MYH15: variants seen among roughly 807,000 people sequenced by gnomAD.
MYH15 encodes the protein myosin heavy chain 15, also known as myosin-15.
In MYH15, 227 loss-of-function variants were observed where a neutral mutation model predicts 240.5. The ratio of observed to expected loss-of-function variants is 0.94; its 90% CI spans 0.85 to 1.05. The LOEUF is 1.05. Ranked by LOEUF, MYH15 falls within the 50% of genes least tolerant of loss-of-function variation. The pLI is 0.00. For synonymous variants in MYH15, 785 were observed against 796.7 expected, an observed-to-expected ratio of 0.99 and a Z score of 0.25; for missense variants, 2,217 against 2,247.5, an observed-to-expected ratio of 0.99 and a Z score of 0.27.
intron 7 of MYH15, among the ~76,000 whole-genome samples, chr3:108,493,538 A>G (rs917368200): frequency 2.6e-5 from 4 of 152,248 alleles, no homozygotes; most frequent in African/African-American, 9.6e-5. Context: ...TTTCCTCAGC[A>G]TATTTGTTTA....
intron 11 of MYH15, among the ~76,000 whole-genome samples, chr3:108,484,705 C>A (rs1383575127): frequency 3.9e-5 from 6 of 152,114 alleles, no homozygotes; most frequent in Non-Finnish European, 8.8e-5. Context: ...GTCTTGAACT[C>A]CTGGCCTCAA....
At chr3:108,439,406 T>C (rs1409494257) in intron 24 of MYH15, among the ~76,000 whole-genome samples, 4 of 152,114 alleles carry the variant, frequency 2.6e-5, no homozygotes, top group Non-Finnish European at 5.9e-5. Flanking sequence ...AGCATATCTG[T>C]GGGGCAAAAT....
Position 108,492,607 on chromosome 3 carries a change from G to A in MYH15, c.776-12C>T, listed in dbSNP as rs1432540946. The A allele has an allele frequency of 1.3e-6, 2 of 1,598,836 alleles. No homozygotes were observed. On this transcript the variant is annotated splice_polypyrimidine_tract_variant and intron_variant, in intron 8 of 40. Coordinates refer to ENST00000693548, the MANE Select transcript of MYH15 (RefSeq NM_014981.3). Reference sequence around the variant, plus strand: ...CTTTTCAAGCAAATCTGGATGATGAGAAATGAATAAAAATTCATACTTAGG... The same window carrying A: ...CTTTTCAAGCAAATCTGGATGATGAAAAATGAATAAAAATTCATACTTAGG...
intron 20 of MYH15, 36 bp from the exon 21 acceptor site, chr3:108,454,178 T>A: frequency 2.5e-6 from 4 of 1,581,374 alleles, no homozygotes; most frequent in Non-Finnish European, 3.5e-6. Context: ...CCACTGATAA[T>A]GGGTATTCAG....
In MYH15 at chr3:108,501,869, A is replaced by G. The variant is rs2083441472; in HGVS notation, c.196-14T>C. 1 of 1,611,636 alleles carries G rather than the reference A, an allele frequency of 6.2e-7. No individual in the cohort carries two copies. Among genetic ancestry groups the G allele is most frequent in the South Asian group, 1.1e-5 (1 of 91,020 alleles). ...TATGCTCAGACTCTGCAGAGAGAAG[A>G]AAAATATATGATATATTCCCCTGTC... On this transcript the variant is annotated splice_polypyrimidine_tract_variant and intron_variant, in intron 2 of 40. Coordinates refer to ENST00000693548, the MANE Select transcript of MYH15 (RefSeq NM_014981.3).
the MYH15 span, among the ~76,000 whole-genome samples, chr3:108,537,762 T>G: frequency 2.6e-5 from 4 of 152,140 alleles, no homozygotes; most frequent in Admixed American, 1.3e-4. Flanking sequence ...AGTTAACCAC[T>G]ATTAATATAG....
At chr3:108,462,150 G>T (rs1028717794) in intron 16 of MYH15, among the ~76,000 whole-genome samples, 1 of 152,148 alleles carries the variant, frequency 6.6e-6, no homozygotes, top group African/African-American at 2.4e-5. Context: ...CTGTCGATCT[G>T]TGACTTTTGC....
intron 26 of MYH15, among the ~76,000 whole-genome samples, chr3:108,430,586 C>T (rs549215732): frequency 2.0e-5 from 3 of 152,146 alleles, no homozygotes; most frequent in African/African-American, 7.2e-5. Context: ...GATTTTAGCA[C>T]AATGCCTGGT....
intron 5 of MYH15, among the ~76,000 whole-genome samples, chr3:108,499,059 T>C (rs2083415879): frequency 6.6e-6 from 1 of 152,218 alleles, no homozygotes; most frequent in South Asian, 2.1e-4. Context: ...TGCCCCAATC[T>C]GGCTGCCCAC....
rs151307953 is a variant in MYH15 at position 108,402,444 on chromosome 3, C to G, written c.4736+2894G>C. On this transcript the variant is annotated intron_variant, in intron 33 of 40. Transcript: ENST00000693548. ...AAAACTATGGGCTGTGGGCCAAATC[C>G]CACCATGCCCATTTATTTCCTATTG... is the stretch of plus-strand genomic sequence containing the variant. Among the ~76,000 whole-genome samples, 564 of 152,288 alleles carry G rather than the reference C, an allele frequency of 3.7e-3. 6 individuals are homozygous for G. The highest frequency in any genetic ancestry group is 0.013 in the African/African-American group (529 of 41,552).
chr3:108,435,666 G>C (rs1019212839), intron 25 of MYH15, among the ~76,000 whole-genome samples: 1 of 138,236 alleles, frequency 7.2e-6, no homozygotes, highest in Admixed American at 7.0e-5. Flanking sequence ...CTCAATAATA[G>C]TCCACTGTGT....
rs1468179643 is a variant in MYH15, at chr3:108,510,588, C to A, written c.-58G>T. ...TAAACGTGAGTAGGCAAGATTCAAC[C>A]TGAAAAAAAAAAATTGATACAGAGA... is the stretch of plus-strand genomic sequence containing the variant. On this transcript the variant is annotated 5_prime_UTR_variant, in exon 1 of 41. In the 5' UTR this introduces an upstream ATG that the reference lacks. Coordinates refer to ENST00000693548, the MANE Select transcript of MYH15 (RefSeq NM_014981.3). The A allele has an allele frequency of 1.3e-6, 2 of 1,554,244 alleles. No individual in the cohort carries two copies. Among genetic ancestry groups the A allele is most frequent in the African/African-American group, 1.4e-5 (1 of 69,316 alleles).
intron 25 of MYH15, among the ~76,000 whole-genome samples, chr3:108,433,561 G>A (rs928895628): frequency 6.6e-6 from 1 of 150,578 alleles, no homozygotes; most frequent in Non-Finnish European, 1.5e-5. Flanking sequence ...GAATTTCCAG[G>A]TGTTGTGGGA....
chr3:108,439,918 G>T lies in MYH15; in HGVS notation c.2899-5C>A. On this transcript the variant is annotated splice_polypyrimidine_tract_variant and splice_region_variant and intron_variant, in intron 23 of 40. Transcript: ENST00000693548. ...TTCCTCAGTCAAGTTCTTGACCTGT[G>T]GGAAGAAGATGACAGCTTCATTAAA... The T allele has an allele frequency of 6.4e-7, 1 of 1,565,552 alleles. No individual in the cohort carries two copies.
intron 21 of MYH15, among the ~76,000 whole-genome samples, chr3:108,451,957 G>A (rs560556294): frequency 7.0e-4 from 105 of 148,942 alleles, no homozygotes; most frequent in African/African-American, 2.0e-3. Context: ...ATAAAATAGA[G>A]GGAATGTCCT....
chr3:108,442,241 G>C (rs2082891030), intron 22 of MYH15, among the ~76,000 whole-genome samples: 1 of 152,070 alleles, frequency 6.6e-6, no homozygotes, highest in African/African-American at 2.4e-5. Flanking sequence ...TGGGGGGCTG[G>C]GGGGAGGTAA....
chr3:108,388,101 GCAGTGTGAGATAGCTTACTGTC>G (rs1191921128), intron 38 of MYH15, among the ~76,000 whole-genome samples: 1 of 152,176 alleles, frequency 6.6e-6, no homozygotes, highest in Non-Finnish European at 1.5e-5. Context: ...GCTATCATGT[GCAGTGTGAGATAGCTTACTGTC>G]CAGTGTGAGA....
chr3:108,503,060 G>A (rs967746482), intron 2 of MYH15, among the ~76,000 whole-genome samples: 1 of 152,058 alleles, frequency 6.6e-6, no homozygotes, highest in Admixed American at 6.6e-5. Context: ...ATTGTGATTG[G>A]AAGTGTAGTC....
intron 1 of MYH15, among the ~76,000 whole-genome samples, chr3:108,516,986 T>C (rs145569724): frequency 5.3e-5 from 8 of 152,308 alleles, no homozygotes; most frequent in Admixed American, 5.2e-4. Context: ...CTGTTCTTTC[T>C]AATGATCTCC....
Sources: gnomAD v4.1 joint callset for allele counts (sites outside exome capture counted in the v4.1 genomes callset) on GRCh38, gnomAD v4.1.1 for gene constraint, MANE v1.5 for transcripts, NCBI Gene and HGNC (gene_info 2026-07-23, HGNC 2026-07-21) for gene names.